Variants in CFHR5 observed in about 807,000 individuals in gnomAD.
CFHR5 encodes complement factor H related 5.
In CFHR5, 73 loss-of-function variants were observed where a neutral mutation model predicts 62.9. The observed-to-expected ratio is 1.16, with a 90% CI of 0.96 to 1.41. The LOEUF (loss-of-function observed/expected upper bound fraction) is 1.41, where lower values mean the gene tolerates loss of function less well. CFHR5 is among the 40% of genes most tolerant of loss of function. The pLI, the probability that CFHR5 is intolerant of heterozygous loss-of-function variation, is 0.00. For missense variants in CFHR5, 779 were observed against 679.9 expected (o/e 1.15, Z -1.62); for synonymous variants, 249 against 227.2 (o/e 1.10, Z -0.86).
rs1164729053 is a variant in CFHR5, at chr1:196,999,722, T to TATAC, written c.1147+1419_1147+1420insTACA. 2.1e-3 allele frequency among the ~76,000 whole-genome samples: 243 copies of TATAC among 116,100 alleles called. 2 individuals carry two copies. The highest frequency in any genetic ancestry group is 7.5e-3 in the African/African-American group (215 of 28,754). The allele number at this position is 116,100 out of a possible 152,430, so 76.2% of individuals were successfully genotyped here. A position where few individuals can be genotyped will look rare whatever the true frequency, so the allele number is the denominator to read the frequency against. On this transcript the variant is annotated intron_variant, in intron 7 of 9. Transcript: ENST00000256785. ...ATATATATATATATATATATATATA[T>TATAC]ACACACACACACATATATATACACA...
In CFHR5 at chr1:197,009,083, G is replaced by A. The variant is rs1654369721; in HGVS notation, c.*400G>A. On this transcript the variant is annotated 3_prime_UTR_variant, in exon 10 of 10. Coordinates refer to ENST00000256785, the MANE Select transcript of CFHR5 (RefSeq NM_030787.4). ...TCACGTGGCAAAAGAGCATGTACAT[G>A]GGAGTGAGAGAAAAAGAGAGAGAGA... 6.0e-6 allele frequency: 1 copy of A among 165,324 alleles called. No individual in the cohort carries two copies. Among genetic ancestry groups the A allele is most frequent in the South Asian group, 1.6e-4 (1 of 6,232 alleles). The allele number at this position is 165,324 out of a possible 1,614,324, so 10.2% of individuals were successfully genotyped here.
intron 3 of CFHR5, among the ~76,000 whole-genome samples, chr1:196,987,814 C>T (rs973055905): frequency 1.3e-5 from 2 of 152,128 alleles, no homozygotes; most frequent in African/African-American, 4.8e-5. Flanking sequence ...ATGCCTCCAG[C>T]TTTGTTCTTT....
Position 196,983,965 on chromosome 1 carries a change from G to A in CFHR5, c.258G>A (p.Met86Ile). 6.2e-7 allele frequency: 1 copy of A among 1,608,476 alleles called. No homozygotes were observed. The highest frequency in any genetic ancestry group is 1.3e-5 in the African/African-American group (1 of 74,868). Reference protein sequence around the residue: ...GWSPTPKCLRMCSFPFVKNGH... With the variant: ...GWSPTPKCLRICSFPFVKNGH... ...TAATCAATTTTTGTTCCTTAGGAAT[G>A]TGTTCCTTTCCTTTTGTGAAAAATG... The change falls in exon 3 of 10, where the codon ATG becomes ATA. Residue 86 changes from methionine to isoleucine, a missense_variant. Transcript: ENST00000256785.
intron 8 of CFHR5, 24 bp from the exon 9 acceptor site, chr1:197,004,637 C>A: frequency 6.3e-7 from 1 of 1,591,806 alleles, no homozygotes; most frequent in Non-Finnish European, 8.6e-7. Context: ...CATAATGTCT[C>A]AACAAATAAA....
intron 6 of CFHR5, among the ~76,000 whole-genome samples, chr1:196,996,856 AAGT>A (rs2125035557): frequency 6.6e-6 from 1 of 151,740 alleles, no homozygotes; most frequent in East Asian, 1.9e-4. Flanking sequence ...CAGAAGTAGT[AAGT>A]AGTAAGTAGT....
chr1:196,983,944 C>A lies in CFHR5; in HGVS notation c.254-17C>A. 6.3e-7 allele frequency: 1 copy of A among 1,587,814 alleles called. No homozygotes were observed. The highest frequency in any genetic ancestry group is 8.6e-7 in the Non-Finnish European group (1 of 1,159,898). On this transcript the variant is annotated splice_polypyrimidine_tract_variant and intron_variant, in intron 2 of 9. Coordinates refer to ENST00000256785, the MANE Select transcript of CFHR5 (RefSeq NM_030787.4). ...TGCTACTTCCATCTTGTACATTAAT[C>A]AATTTTTGTTCCTTAGGAATGTGTT...
At chr1:196,984,612 A>G (rs906665829) in intron 3 of CFHR5, among the ~76,000 whole-genome samples, 7 of 152,176 alleles carry the variant, frequency 4.6e-5, no homozygotes, top group Admixed American at 6.5e-5. Flanking sequence ...GAATTTGGAA[A>G]ACGATTCTTT....
chr1:196,982,854 T>G, intron 1 of CFHR5, 31 bp from the exon 2 acceptor site: 1 of 1,581,526 alleles, frequency 6.3e-7, no homozygotes, highest in South Asian at 1.1e-5. Flanking sequence ...GCTCTTTATT[T>G]AATTCTTCAG....
chr1:196,988,839 G>T (rs1172828987), intron 3 of CFHR5, among the ~76,000 whole-genome samples: 2 of 151,772 alleles, frequency 1.3e-5, no homozygotes, highest in Non-Finnish European at 2.9e-5. Flanking sequence ...TCTTTTTTTT[G>T]TTGTGTCTCT....
At chr1:197,006,819 T>A (rs1055827896) in intron 9 of CFHR5, among the ~76,000 whole-genome samples, 1 of 152,070 alleles carries the variant, frequency 6.6e-6, no homozygotes, top group African/African-American at 2.4e-5. Flanking sequence ...AATAGCAGTT[T>A]TTTGACATAG....
At chr1:197,001,143 A>G (rs1258618244) in intron 7 of CFHR5, among the ~76,000 whole-genome samples, 1 of 152,296 alleles carries the variant, frequency 6.6e-6, no homozygotes, top group Non-Finnish European at 1.5e-5. Flanking sequence ...AAGTACTTTA[A>G]GTTCACGCTT....
At chr1:196,980,832 G>A (rs1432534473) in intron 1 of CFHR5, among the ~76,000 whole-genome samples, 2 of 151,944 alleles carry the variant, frequency 1.3e-5, no homozygotes, top group African/African-American at 2.4e-5. Flanking sequence ...ACAACTGGAT[G>A]GTGAGAACTA....
chr1:196,983,045 A>G lies in CFHR5; in HGVS notation c.219A>G (p.Thr73=), dbSNP rs773840564. 2 of 1,614,000 alleles carry G rather than the reference A, an allele frequency of 1.2e-6. No individual in the cohort carries two copies. Among genetic ancestry groups the G allele is most frequent in the East Asian group, 2.2e-5 (1 of 44,866 alleles). ...SKSFWTRITC[T]EEGWSPTPKC... is the part of the protein sequence containing the mutation. ...CCTTTTGGACTCGCATAACATGCAC[A>G]GAAGAAGGATGGTCACCAACACCGA... Residue 73 remains threonine, a synonymous_variant, in exon 2 of 10, where the codon ACA becomes ACG. Coordinates refer to ENST00000256785, the MANE Select transcript of CFHR5 (RefSeq NM_030787.4).
In CFHR5 at chr1:196,995,913, A is replaced by G. The variant is rs1207377649; in HGVS notation, c.790+14A>G. 1.9e-6 allele frequency: 3 copies of G among 1,605,796 alleles called. No individual in the cohort carries two copies. Among genetic ancestry groups the G allele is most frequent in the African/African-American group, 1.3e-5 (1 of 74,720 alleles). On this transcript the variant is annotated intron_variant, in intron 5 of 9. Coordinates refer to ENST00000256785, the MANE Select transcript of CFHR5 (RefSeq NM_030787.4). The stretch of plus-strand genomic sequence containing the variant: ...CCACTTGTGTTGGTAAATAAATATT[A>G]ACATTTAAACAGGACAGTTACTATT...
chr1:196,994,185 T>A lies in CFHR5; in HGVS notation c.536T>A (p.Leu179His), dbSNP rs746026492. The A allele has an allele frequency of 3.1e-6, 5 of 1,613,606 alleles. No individual in the cohort carries two copies. The Admixed American group carries it at 5.0e-5, about 16-fold the overall frequency. Reference protein sequence around the residue: ...DVLKFSCRKNLIRVGSDSVQC... With the variant: ...DVLKFSCRKNHIRVGSDSVQC... ...TTGAAATTCTCCTGCAGAAAAAATC[T>A]TATAAGAGTTGGATCAGACTCAGTT... Residue 179 changes from leucine to histidine, a missense_variant, in exon 4 of 10, where the codon CTT (leucine) becomes CAT (histidine). Physicochemically the swap from Leu to His is moderately conservative, Grantham distance 99. Transcript: ENST00000256785.
At chr1:196,980,735 G>A (rs1186054612) in intron 1 of CFHR5, among the ~76,000 whole-genome samples, 1 of 152,044 alleles carries the variant, frequency 6.6e-6, no homozygotes, top group African/African-American at 2.4e-5. Flanking sequence ...CTTGCCAAAG[G>A]ACGATAACAC....
At chr1:196,994,734 C>A (rs1653944539) in intron 4 of CFHR5, among the ~76,000 whole-genome samples, 1 of 152,118 alleles carries the variant, frequency 6.6e-6, no homozygotes, top group Non-Finnish European at 1.5e-5. Flanking sequence ...TTTCACAATG[C>A]TGATAAACAC....
chr1:197,007,346 A>G (rs1360168255), intron 9 of CFHR5, among the ~76,000 whole-genome samples: 1 of 152,170 alleles, frequency 6.6e-6, no homozygotes, highest in Non-Finnish European at 1.5e-5. Flanking sequence ...TGCTTAACAC[A>G]TAAGAATTTT....
chr1:196,984,202 AT>A, intron 3 of CFHR5, 65 bp downstream of exon 3: 1 of 1,355,644 alleles, frequency 7.4e-7, no homozygotes, highest in Non-Finnish European at 1.0e-6. Context: ...TAGTTTATAG[AT>A]TAAATATAGG....
Sources: allele counts gnomAD v4.1 joint callset (sites outside exome capture counted in the v4.1 genomes callset), GRCh38; gene constraint gnomAD v4.1.1; transcripts MANE v1.5; gene names NCBI Gene and HGNC (gene_info 2026-07-23, HGNC 2026-07-21).